PDIA4: variants seen among roughly 807,000 people sequenced by gnomAD.
PDIA4 encodes protein disulfide isomerase family A member 4.
In PDIA4, 33 loss-of-function variants were observed where a neutral mutation model predicts 62.1. The ratio of observed to expected loss-of-function variants is 0.53; its 90% CI spans 0.40 to 0.71. PDIA4 has a LOEUF of 0.71. Ranked by LOEUF, PDIA4 falls within the 30% of genes least tolerant of loss-of-function variation. The pLI is 0.00. For missense variants in PDIA4, 804 were observed against 813.6 expected (o/e 0.99, Z 0.14); for synonymous variants, 341 against 324.1 (o/e 1.05, Z -0.56).
chr7:149,009,775 C>G (rs60539108), intron 6 of PDIA4, among the ~76,000 whole-genome samples: 5,785 of 152,290 alleles, frequency 0.038, 384 homozygotes, highest in African/African-American at 0.13. Context: ...AATGAGATGT[C>G]ACATGCAAAG....
chr7:149,008,608 C>T (rs536780036), intron 6 of PDIA4, among the ~76,000 whole-genome samples: 11 of 151,798 alleles, frequency 7.2e-5, no homozygotes, highest in South Asian at 6.2e-4. Context: ...GAGGCTGAGG[C>T]GCAAGAATTG....
intron 8 of PDIA4, among the ~76,000 whole-genome samples, chr7:149,005,642 C>T (rs1220980195): frequency 6.6e-6 from 1 of 152,208 alleles, no homozygotes; most frequent in South Asian, 2.1e-4. Context: ...AGCTCTGCAG[C>T]CTCTGAACTC....
In PDIA4 at chr7:149,028,250, G is replaced by A. The variant is rs577363382; in HGVS notation, c.88+71C>T. 1,483 of 1,171,742 alleles carry A rather than the reference G, an allele frequency of 1.3e-3. 36 individuals are homozygous for A. The South Asian group carries it at 0.022, about 17-fold the overall frequency. 72.6% of individuals were successfully genotyped at this position (1,171,742 alleles called of 1,614,324 possible). A position where few individuals can be genotyped will look rare whatever the true frequency, so the allele number is the denominator to read the frequency against. On this transcript the variant is annotated intron_variant, in intron 1 of 9. Coordinates refer to ENST00000652332, the MANE Select transcript of PDIA4 (RefSeq NM_004911.5). ...CGGAAGCCCGCCCGCCGGGGTCGCAGGGCCCAGGCCCCCGCACAGCTCTGC... is the reference window on the plus strand; with the variant it reads ...CGGAAGCCCGCCCGCCGGGGTCGCAAGGCCCAGGCCCCCGCACAGCTCTGC...
chr7:149,004,540 A>G (rs1823673811), intron 9 of PDIA4, among the ~76,000 whole-genome samples: 1 of 152,228 alleles, frequency 6.6e-6, no homozygotes, highest in African/African-American at 2.4e-5. Context: ...TGCCAGGACA[A>G]CCCACAGACA....
rs538957091 is a variant in PDIA4 at position 149,015,034 on chromosome 7, C to A, written c.484G>T (p.Ala162Ser). Residue 162 changes from alanine (A) to serine (S), a missense_variant, in exon 4 of 10, where the codon GCC becomes TCC. Coordinates refer to ENST00000652332, the MANE Select transcript of PDIA4 (RefSeq NM_004911.5). ...GGCTGGGAGACTTCTCTGACCTTGGCAACAATTTCTGAAAGAAACCAAGCA... is the reference window on the plus strand; with the variant it reads ...GGCTGGGAGACTTCTCTGACCTTGGAAACAATTTCTGAAAGAAACCAAGCA... ...EGSRTQEEIVAKVREVSQPDW... is the reference protein window; with the variant it reads ...EGSRTQEEIVSKVREVSQPDW... The A allele has an allele frequency of 1.9e-6, 3 of 1,614,112 alleles. No individual in the cohort carries two copies. The highest frequency in any genetic ancestry group is 2.2e-5 in the East Asian group (1 of 44,888).
chr7:149,023,377 T>C (rs1281829344), intron 1 of PDIA4, among the ~76,000 whole-genome samples: 13 of 152,198 alleles, frequency 8.5e-5, no homozygotes, highest in Non-Finnish European at 1.2e-4. Flanking sequence ...TTTGAATGAA[T>C]CGTGTGAGGC....
In PDIA4 at chr7:149,024,942, T is replaced by A. The variant is rs1030480575; in HGVS notation, c.88+3379A>T. On this transcript the variant is annotated intron_variant, in intron 1 of 9. Transcript: ENST00000652332. ...GAGTTCGAGACCAGCCTGACCAACA[T>A]GGAGAAACCCCATCTCTACTAAAAA... is the stretch of plus-strand genomic sequence containing the variant. Among the ~76,000 whole-genome samples, 200 of 148,488 alleles carry A rather than the reference T, an allele frequency of 1.3e-3. 3 individuals carry two copies. Among genetic ancestry groups the A allele is most frequent in the Non-Finnish European group, 5.5e-4 (37 of 67,546 alleles).
intron 8 of PDIA4, 133 bp downstream of exon 8, chr7:149,005,764 G>T: frequency 1.5e-5 from 10 of 676,914 alleles, no homozygotes; most frequent in Non-Finnish European, 2.3e-5. Flanking sequence ...CCACCAACGT[G>T]CAAGGGCCCC....
At chr7:149,015,183 G>A (rs1322466394) in intron 3 of PDIA4, 141 bp from the exon 4 acceptor site, 8 of 797,416 alleles carry the variant, frequency 1.0e-5, no homozygotes, top group Admixed American at 2.8e-5. Flanking sequence ...CCTGAAACCT[G>A]GCTGCATCTC....
In PDIA4 at chr7:149,003,742, A is replaced by C; in HGVS notation, c.*52T>G. 7.1e-7 allele frequency: 1 copy of C among 1,399,228 alleles called. No individual in the cohort carries two copies. The highest frequency in any genetic ancestry group is 9.5e-7 in the Non-Finnish European group (1 of 1,056,682). The allele number at this position is 1,399,228 out of a possible 1,614,324, so 86.7% of individuals were successfully genotyped here. On this transcript the variant is annotated 3_prime_UTR_variant, in exon 10 of 10. Coordinates refer to ENST00000652332, the MANE Select transcript of PDIA4 (RefSeq NM_004911.5). Reference sequence around the variant, plus strand: ...CGGCCTCGGCGTGGACGCCCCGACCATGGGCCACGCAGGGCGTCTGCCTCC... The same window carrying C: ...CGGCCTCGGCGTGGACGCCCCGACCCTGGGCCACGCAGGGCGTCTGCCTCC...
At chr7:149,010,216 C>T (rs151100348) in intron 6 of PDIA4, among the ~76,000 whole-genome samples, 2,045 of 152,236 alleles carry the variant, frequency 0.013, 22 homozygotes, top group Non-Finnish European at 0.019. Flanking sequence ...TAAGGCCACA[C>T]GGGCTGGGTG....
intron 3 of PDIA4, among the ~76,000 whole-genome samples, chr7:149,017,634 AAAATT>A (rs1456663086): frequency 1.4e-5 from 2 of 146,630 alleles, no homozygotes; most frequent in East Asian, 1.9e-4. Flanking sequence ...TTATCAAAAT[AAAATT>A]AAATACATTT....
chr7:149,014,224 C>T (rs1051582948), intron 4 of PDIA4, among the ~76,000 whole-genome samples: 6 of 152,258 alleles, frequency 3.9e-5, no homozygotes, highest in Admixed American at 2.6e-4. Flanking sequence ...ACCCACCCCC[C>T]GGCCTGTGCA....
intron 6 of PDIA4, among the ~76,000 whole-genome samples, chr7:149,010,536 T>C (rs1431089978): frequency 3.3e-5 from 5 of 152,124 alleles, no homozygotes; most frequent in African/African-American, 4.8e-5. Context: ...ATGGCGCCTG[T>C]TTTAAGCCTC....
chr7:149,004,144 C>G lies in PDIA4; in HGVS notation c.1588G>C (p.Val530Leu). Residue 530 changes from valine to leucine, a missense_variant, in exon 10 of 10, where the codon GTG (valine) becomes CTG (leucine). Physicochemically the swap from Val to Leu is conservative, Grantham distance 32. Transcript: ENST00000652332. ...PKNNKGPVKVVVGKTFDSIVM... is the reference protein window; with the variant it reads ...PKNNKGPVKVLVGKTFDSIVM... The stretch of plus-strand genomic sequence containing the variant: ...ATGGAGTCAAAGGTCTTTCCCACCA[C>G]GACCTTGACGGGTCCCTTGTTGTTC... 6.2e-7 allele frequency: 1 copy of G among 1,614,082 alleles called. No individual in the cohort carries two copies. Among genetic ancestry groups the G allele is most frequent in the Non-Finnish European group, 8.5e-7 (1 of 1,179,980 alleles).
chr7:149,020,384 A>G (rs1376820815), intron 2 of PDIA4, among the ~76,000 whole-genome samples: 1 of 152,252 alleles, frequency 6.6e-6, no homozygotes, highest in Non-Finnish European at 1.5e-5. Flanking sequence ...AGAGCAAAGC[A>G]GGGGTCATGA....
At chr7:149,022,511 C>T (rs1264435256) in intron 1 of PDIA4, among the ~76,000 whole-genome samples, 6 of 152,182 alleles carry the variant, frequency 3.9e-5, no homozygotes, top group African/African-American at 1.4e-4. Flanking sequence ...ACAGCAAGCA[C>T]GGCAATTTCA....
chr7:149,026,019 G>A (rs1824540383), intron 1 of PDIA4, among the ~76,000 whole-genome samples: 2 of 152,080 alleles, frequency 1.3e-5, no homozygotes, highest in Non-Finnish European at 2.9e-5. Context: ...TAACCATGTT[G>A]GGGGAAGGAG....
chr7:149,011,326 A>G (rs953914252), intron 6 of PDIA4, among the ~76,000 whole-genome samples: 1 of 152,206 alleles, frequency 6.6e-6, no homozygotes, highest in African/African-American at 2.4e-5. Flanking sequence ...ACTATTGCTG[A>G]CAGCTGTTCA....
Sources: allele counts gnomAD v4.1 joint callset (sites outside exome capture counted in the v4.1 genomes callset), GRCh38; gene constraint gnomAD v4.1.1; transcripts MANE v1.5; gene names NCBI Gene and HGNC (gene_info 2026-07-23, HGNC 2026-07-21).